COL22A1: variants seen among roughly 807,000 people sequenced by gnomAD.
COL22A1 encodes collagen type XXII alpha 1 chain, also known as collagen alpha-1(XXII) chain.
Under a neutral mutation model 248.9 loss-of-function variants are expected in COL22A1, and 221 were observed. That is an observed-to-expected ratio of 0.89 (90% CI 0.80 to 0.99). The LOEUF is 0.99. Ranked by LOEUF, COL22A1 falls within the 50% of genes least tolerant of loss-of-function variation. The pLI, the probability that COL22A1 is intolerant of heterozygous loss-of-function variation, is 0.00. For missense variants in COL22A1, 2,240 were observed against 2,179.0 expected, an observed-to-expected ratio of 1.03 and a Z score of -0.56; for synonymous variants, 891 against 793.4, an observed-to-expected ratio of 1.12 and a Z score of -2.07.
At chr8:138,643,521 T>G (rs1200599356) in intron 47 of COL22A1, among the ~76,000 whole-genome samples, 1 of 152,090 alleles carries the variant, frequency 6.6e-6, no homozygotes, top group African/African-American at 2.4e-5. Context: ...TTTCCAGGGC[T>G]GGGCCTAGGG....
At chr8:138,672,982 A>G (rs759831467) in intron 41 of COL22A1, among the ~76,000 whole-genome samples, 1 of 152,236 alleles carries the variant, frequency 6.6e-6, no homozygotes, top group Non-Finnish European at 1.5e-5. Flanking sequence ...CATCAGAGGC[A>G]ACCTAAAGAT....
At chr8:138,862,026 T>TAAAAAA (rs386414193) in intron 3 of COL22A1, among the ~76,000 whole-genome samples, 8 of 93,258 alleles carry the variant, frequency 8.6e-5, no homozygotes, top group Non-Finnish European at 1.4e-4. Flanking sequence ...CTGTCTCTAC[T>TAAAAAA]AAAAAAAAAA....
At chr8:138,821,763 A>C (rs1259298005) in intron 6 of COL22A1, among the ~76,000 whole-genome samples, 1 of 151,846 alleles carries the variant, frequency 6.6e-6, no homozygotes, top group Non-Finnish European at 1.5e-5. Flanking sequence ...CAATTCATGC[A>C]CAGAGGGGCT....
At chr8:138,761,908 C>A (rs1183606085) in intron 17 of COL22A1, among the ~76,000 whole-genome samples, 1 of 152,206 alleles carries the variant, frequency 6.6e-6, no homozygotes, top group South Asian at 2.1e-4. Context: ...TTTCCCCCGA[C>A]ACCATTCCCA....
At chr8:138,678,488 T>A (rs1016426328) in intron 40 of COL22A1, among the ~76,000 whole-genome samples, 1 of 152,140 alleles carries the variant, frequency 6.6e-6, no homozygotes, top group African/African-American at 2.4e-5. Context: ...TAGAATAATA[T>A]GATATGAATG....
intron 1 of COL22A1, among the ~76,000 whole-genome samples, chr8:138,904,018 A>G (rs1308805257): frequency 6.6e-6 from 1 of 152,124 alleles, no homozygotes; most frequent in Non-Finnish European, 1.5e-5. Context: ...AGGTACCCAG[A>G]GCTACTGTGT....
chr8:138,870,211 A>G (rs1232215354), intron 3 of COL22A1, among the ~76,000 whole-genome samples: 1 of 151,052 alleles, frequency 6.6e-6, no homozygotes, highest in South Asian at 2.1e-4. Context: ...AGCTGTGTAC[A>G]TTGTATGTAT....
chr8:138,617,026 C>T (rs370291730), intron 53 of COL22A1, 68 bp from the exon 54 acceptor site: 6 of 1,554,484 alleles, frequency 3.9e-6, no homozygotes, highest in Non-Finnish European at 5.3e-6. Flanking sequence ...GGCAGGCATA[C>T]CTCCCTGCCG....
At chr8:138,614,518 T>C (rs1410047756) in intron 55 of COL22A1, among the ~76,000 whole-genome samples, 4 of 152,132 alleles carry the variant, frequency 2.6e-5, no homozygotes, top group African/African-American at 9.7e-5. Flanking sequence ...ATGGCTAAGA[T>C]GGAGGGAAGG....
chr8:138,656,045 C>T (rs1035069653), intron 44 of COL22A1, 101 bp from the exon 45 acceptor site: 15 of 939,898 alleles, frequency 1.6e-5, no homozygotes, highest in Middle Eastern at 2.1e-4. Flanking sequence ...TGACACAATA[C>T]GTGACACACT....
At chr8:138,753,885 C>A (rs1052966918) in intron 21 of COL22A1, among the ~76,000 whole-genome samples, 10 of 152,196 alleles carry the variant, frequency 6.6e-5, no homozygotes, top group African/African-American at 2.4e-4. Flanking sequence ...TTAGCTTCTT[C>A]TTCTGTAATG....
chr8:138,679,822 A>C lies in COL22A1; in HGVS notation c.3013-146T>G, dbSNP rs1332394925. 9.7e-6 allele frequency: 7 copies of C among 721,300 alleles called. No homozygotes were observed. In the Admixed American group the frequency reaches 1.5e-4, roughly 15 times the overall value. 44.7% of individuals were successfully genotyped at this position (721,300 alleles called of 1,614,324 possible). A position where few individuals can be genotyped will look rare whatever the true frequency, so the allele number is the denominator to read the frequency against. Reference sequence around the variant, plus strand: ...TTAGGGTCTGGCACAGGTGGCAGCTAATAACCATTTCCTGGATGCAGGAAC... The same window carrying C: ...TTAGGGTCTGGCACAGGTGGCAGCTCATAACCATTTCCTGGATGCAGGAAC... On this transcript the variant is annotated intron_variant, in intron 39 of 64. Transcript: ENST00000303045.
intron 6 of COL22A1, 128 bp downstream of exon 6, chr8:138,826,530 G>T (rs1819594470): frequency 3.1e-6 from 3 of 973,920 alleles, no homozygotes; most frequent in Non-Finnish European, 4.7e-6. Flanking sequence ...GCCTCCATAC[G>T]CCAGGCTCTC....
At chr8:138,821,499 T>C in intron 6 of COL22A1, 88 bp from the exon 7 acceptor site, 1 of 1,339,388 alleles carries the variant, frequency 7.5e-7, no homozygotes, top group South Asian at 1.3e-5. Flanking sequence ...GAGTCAGACC[T>C]GGCAATCCTG....
intron 4 of COL22A1, among the ~76,000 whole-genome samples, chr8:138,835,934 C>T (rs1403162725): frequency 6.6e-6 from 1 of 152,210 alleles, no homozygotes; most frequent in Non-Finnish European, 1.5e-5. Context: ...ATTTACTCAA[C>T]CTCTCTGGAC....
rs549529052 is a variant in COL22A1, at chr8:138,747,850, GA to G, written c.2085+3607del. Among the ~76,000 whole-genome samples the G allele has an allele frequency of 4.6e-5, 7 of 152,128 alleles. No individual in the cohort carries two copies. The South Asian group carries it at 1.2e-3, about 27-fold the overall frequency. On this transcript the variant is annotated intron_variant, in intron 22 of 64. Transcript: ENST00000303045. ...CAGGAGGGAATAAAAGCAAGTAAAA[GA>G]AAAATAGGAAAAAAATTGGAAAAGG...
intron 23 of COL22A1, among the ~76,000 whole-genome samples, chr8:138,726,573 G>A (rs997507504): frequency 6.6e-5 from 10 of 151,872 alleles, no homozygotes; most frequent in African/African-American, 2.4e-4. Context: ...GGTCCAGGGG[G>A]TCCTGGGACA....
intron 59 of COL22A1, among the ~76,000 whole-genome samples, chr8:138,603,867 T>G (rs891264205): frequency 6.6e-6 from 1 of 152,178 alleles, no homozygotes; most frequent in African/African-American, 2.4e-5. Context: ...AGGGGGAGAA[T>G]GCAGGCCTTG....
intron 21 of COL22A1, among the ~76,000 whole-genome samples, chr8:138,754,859 T>C (rs1033195421): frequency 2.0e-5 from 3 of 152,222 alleles, no homozygotes; most frequent in Non-Finnish European, 2.9e-5. Flanking sequence ...AACATCAAAC[T>C]GAATCCCCAG....
Sources: gnomAD v4.1 joint callset for allele counts (sites outside exome capture counted in the v4.1 genomes callset) on GRCh38, gnomAD v4.1.1 for gene constraint, MANE v1.5 for transcripts, NCBI Gene and HGNC (gene_info 2026-07-23, HGNC 2026-07-21) for gene names.